The following NXF1 variants were observed in gnomAD, a reference collection of about 807,000 sequenced individuals.
NXF1 encodes the protein nuclear RNA export factor 1.
Under a neutral mutation model 92.4 loss-of-function variants are expected in NXF1, and 43 were observed. The ratio of observed to expected loss-of-function variants is 0.47; its 90% CI spans 0.36 to 0.60. The LOEUF (loss-of-function observed/expected upper bound fraction) is 0.60, where lower values mean the gene tolerates loss of function less well. Ranked by LOEUF, NXF1 falls within the 20% of genes least tolerant of loss-of-function variation. The pLI, the probability that NXF1 is intolerant of heterozygous loss-of-function variation, is 0.00. For synonymous variants in NXF1, 288 were observed against 292.2 expected (o/e 0.99, Z 0.15); for missense variants, 576 against 793.0 (o/e 0.73, Z 3.29).
intron 19 of NXF1, among the ~76,000 whole-genome samples, chr11:62,793,236 G>A (rs2084385013): frequency 6.6e-6 from 1 of 152,140 alleles, no homozygotes; most frequent in Non-Finnish European, 1.5e-5. Context: ...GGAACGCCAA[G>A]CCCCGCTAAT....
chr11:62,801,551 G>A lies in NXF1; in HGVS notation c.709+11C>T. On this transcript the variant is annotated intron_variant, in intron 7 of 20. Transcript: ENST00000294172. ...CACCACCTATCTGAGAACTACTGCT[G>A]TCAACCATACCTGGGTCTGAACGGA... 2.5e-6 allele frequency: 4 copies of A among 1,613,972 alleles called. No individual in the cohort carries two copies.
At position 62,805,352 on chromosome 11, in the gene NXF1, G is replaced by T; in HGVS notation, c.5C>A (p.Ala2Glu). M[A>E]DEGKSYSEHD... is the part of the protein sequence containing the mutation. Reference sequence around the variant, plus strand: ...ACCGCTGTACGACTTCCCCTCGTCCGCCATGCCACAGCGAAGATCAAGGGC... The same window carrying T: ...ACCGCTGTACGACTTCCCCTCGTCCTCCATGCCACAGCGAAGATCAAGGGC... Residue 2 changes from alanine (A) to glutamate (E), a missense_variant, in exon 1 of 21, where the codon GCG (alanine) becomes GAG (glutamate). By Grantham distance (107) the Ala-to-Glu change is moderately radical (BLOSUM62 -1). Around this residue, in one of 2 missense-constraint regions of NXF1, gnomAD observed 151 missense variants for 157.8 expected, o/e 0.96. Coordinates refer to ENST00000294172, the MANE Select transcript of NXF1 (RefSeq NM_006362.5). 6.2e-7 allele frequency: 1 copy of T among 1,611,104 alleles called. No individual in the cohort carries two copies. Among genetic ancestry groups the T allele is most frequent in the Non-Finnish European group, 8.5e-7 (1 of 1,178,766 alleles).
intron 19 of NXF1, 152 bp from the exon 20 acceptor site, chr11:62,792,853 C>G (rs2084379660): frequency 3.1e-6 from 2 of 645,802 alleles, no homozygotes; most frequent in Non-Finnish European, 5.4e-6. Flanking sequence ...TAGTAAAAGT[C>G]CAGATGTTCT....
rs2084421582 is a variant in NXF1, at chr11:62,796,486, A to T, written c.1260T>A (p.Ile420=). The part of the protein sequence containing the change: ...YHDGACCSLS[I]PFIPQNPARS... ...GGGCAGGGTTCTGAGGAATGAAAGGAATGCTCAGGGAACAGCAGGCCCCAT... is the reference window on the plus strand; with the variant it reads ...GGGCAGGGTTCTGAGGAATGAAAGGTATGCTCAGGGAACAGCAGGCCCCAT... The change falls in exon 14 of 21, where the codon ATT becomes ATA. Residue 420 remains isoleucine (I), a synonymous_variant. Coordinates refer to ENST00000294172, the MANE Select transcript of NXF1 (RefSeq NM_006362.5). The T allele has an allele frequency of 1.2e-6, 2 of 1,614,020 alleles. No homozygotes were observed. The highest frequency in any genetic ancestry group is 3.3e-5 in the Admixed American group (2 of 60,000).
chr11:62,800,411 A>C lies in NXF1; in HGVS notation c.982T>G (p.Cys328Gly). Residue 328 changes from cysteine (C) to glycine (G), a missense_variant, in exon 10 of 21, where the codon TGT becomes GGT. This residue lies in a region of NXF1 where 425 missense variants were observed against 635.2 expected (regional missense o/e 0.67). Coordinates refer to ENST00000294172, the MANE Select transcript of NXF1 (RefSeq NM_006362.5). ...EELWLDGNSL[C>G]DTFRDQSTYI... ...GTGGACTGGTCTCGGAAGGTGTCAC[A>C]CAGGGAGTTTCCATCGAGCCAGAGC... 4 of 1,614,062 alleles carry C rather than the reference A, an allele frequency of 2.5e-6. No individual in the cohort carries two copies. Among genetic ancestry groups the C allele is most frequent in the Non-Finnish European group, 3.4e-6 (4 of 1,179,986 alleles).
In NXF1 at chr11:62,796,271, C is replaced by T. The variant is rs780616193; in HGVS notation, c.1345+16G>A. The T allele has an allele frequency of 2.4e-5, 38 of 1,613,782 alleles. No homozygotes were observed. The highest frequency in any genetic ancestry group is 5.5e-5 in the South Asian group (5 of 91,058). On this transcript the variant is annotated intron_variant, in intron 15 of 20. Transcript: ENST00000294172. ...CCATGCCCTTTTCCCATATTTTGTT[C>T]GTATCACACACTTACTAGGGTCTTT...
In NXF1 at chr11:62,796,274, A is replaced by C; in HGVS notation, c.1345+13T>G. On this transcript the variant is annotated intron_variant, in intron 15 of 20. Transcript: ENST00000294172. Reference sequence around the variant, plus strand: ...TGCCCTTTTCCCATATTTTGTTCGTATCACACACTTACTAGGGTCTTTAAG... The same window carrying C: ...TGCCCTTTTCCCATATTTTGTTCGTCTCACACACTTACTAGGGTCTTTAAG... The C allele has an allele frequency of 6.2e-7, 1 of 1,614,044 alleles. No homozygotes were observed. Among genetic ancestry groups the C allele is most frequent in the Non-Finnish European group, 8.5e-7 (1 of 1,179,942 alleles).
At chr11:62,793,819 TA>T (rs56389050) in intron 19 of NXF1, among the ~76,000 whole-genome samples, 35,235 of 86,596 alleles carry the variant, frequency 0.41, 5,194 homozygotes, top group South Asian at 0.54. Flanking sequence ...CCGTCTCTAC[TA>T]AAAAAAAAAA....
At chr11:62,799,269 T>C (rs1388726687) in intron 10 of NXF1, 1 of 985,496 alleles carries the variant, frequency 1.0e-6, no homozygotes, top group Admixed American at 6.1e-5. Flanking sequence ...TTCTTTCAGC[T>C]GCCCCATCCC....
intron 13 of NXF1, 76 bp from the exon 14 acceptor site, chr11:62,796,643 G>A (rs2084423265): frequency 1.0e-6 from 1 of 988,290 alleles, no homozygotes; most frequent in Non-Finnish European, 1.6e-6. Flanking sequence ...TCCCAAGAGT[G>A]AGTTGTGGCC....
rs2084525620 is a variant in NXF1 at position 62,805,331 on chromosome 11, C to G, written c.26G>C (p.Ser9Thr). The G allele has an allele frequency of 6.2e-7, 1 of 1,611,188 alleles. No individual in the cohort carries two copies. The highest frequency in any genetic ancestry group is 1.7e-5 in the Admixed American group (1 of 59,680). ...CCGACCCGAAGACCAGCACTTACCG[C>G]TGTACGACTTCCCCTCGTCCGCCAT... MADEGKSY[S>T]EHDDERVNFP... The change falls in exon 1 of 21, where the codon AGC (serine) becomes ACC (threonine). Residue 9 changes from serine (S) to threonine (T), a missense_variant and splice_region_variant. Around this residue, in one of 2 missense-constraint regions of NXF1, gnomAD observed 151 missense variants for 157.8 expected, o/e 0.96. Coordinates refer to ENST00000294172, the MANE Select transcript of NXF1 (RefSeq NM_006362.5).
At chr11:62,794,143 T>A in intron 19 of NXF1, 115 bp downstream of exon 19, 3 of 902,620 alleles carry the variant, frequency 3.3e-6, no homozygotes, top group Non-Finnish European at 5.0e-6. Flanking sequence ...CCAGCCTGGA[T>A]GACAGCGCAA....
At chr11:62,795,854 C>A in intron 17 of NXF1, 47 bp downstream of exon 17, 4 of 1,569,842 alleles carry the variant, frequency 2.5e-6, no homozygotes, top group African/African-American at 1.3e-5. Flanking sequence ...AAAATTCCAG[C>A]TGGGGGTGGG....
chr11:62,801,449 A>C (rs916862659), intron 7 of NXF1, 32 bp from the exon 8 acceptor site: 4 of 1,612,216 alleles, frequency 2.5e-6, no homozygotes, highest in Non-Finnish European at 3.4e-6. Context: ...GAAAGGGAAG[A>C]CTGAGAGGGT....
chr11:62,792,131 A>G lies in NXF1; in HGVS notation c.*345T>C. 1.4e-6 allele frequency: 1 copy of G among 711,772 alleles called. No individual in the cohort carries two copies. Among genetic ancestry groups the G allele is most frequent in the South Asian group, 1.9e-5 (1 of 52,696 alleles). 44.1% of individuals were successfully genotyped at this position (711,772 alleles called of 1,614,324 possible). A position where few individuals can be genotyped will look rare whatever the true frequency, so the allele number is the denominator to read the frequency against. Reference sequence around the variant, plus strand: ...CAATCCAGCACGCAGAACACGAAATACAACATCACTCTTTATATTAAAAAG... The same window carrying G: ...CAATCCAGCACGCAGAACACGAAATGCAACATCACTCTTTATATTAAAAAG... On this transcript the variant is annotated 3_prime_UTR_variant, in exon 21 of 21. Coordinates refer to ENST00000294172, the MANE Select transcript of NXF1 (RefSeq NM_006362.5).
intron 3 of NXF1, among the ~76,000 whole-genome samples, chr11:62,802,676 G>A (rs2084491531): frequency 6.6e-6 from 1 of 152,050 alleles, no homozygotes; most frequent in African/African-American, 2.4e-5. Context: ...AGCCTCAAGT[G>A]ATCCTCCACC....
In NXF1 at chr11:62,805,413, C is replaced by T. The variant is rs1263189855; in HGVS notation, c.-57G>A. 1.2e-5 allele frequency: 19 copies of T among 1,605,750 alleles called. No homozygotes were observed. Among genetic ancestry groups the T allele is most frequent in the East Asian group, 2.3e-5 (1 of 44,272 alleles). ...GCTGGCCGCTACGCCGGCAAACAACCTAACTCCCAAGCGCTCAGGACCGAA... is the reference window on the plus strand; with the variant it reads ...GCTGGCCGCTACGCCGGCAAACAACTTAACTCCCAAGCGCTCAGGACCGAA... On this transcript the variant is annotated 5_prime_UTR_variant, in exon 1 of 21. Transcript: ENST00000294172.
intron 10 of NXF1, chr11:62,800,140 GAGAA>G: frequency 7.3e-7 from 1 of 1,372,752 alleles, no homozygotes; most frequent in Non-Finnish European, 9.4e-7. Context: ...CAGGAAGAAA[GAGAA>G]AGGCCACAGA....
chr11:62,793,082 CT>C (rs5792271), intron 19 of NXF1, among the ~76,000 whole-genome samples: 206 of 140,344 alleles, frequency 1.5e-3, no homozygotes, highest in Middle Eastern at 3.6e-3. Flanking sequence ...TTTCTGTTTG[CT>C]TTTTTTTTTT....
Sources: gnomAD v4.1 joint callset for allele counts (sites outside exome capture counted in the v4.1 genomes callset) on GRCh38, gnomAD v4.1.1 for gene constraint, gnomAD v4.1.1 regional missense constraint, MANE v1.5 for transcripts, NCBI Gene and HGNC (gene_info 2026-07-23, HGNC 2026-07-21) for gene names.